SMARCA4: variants seen among roughly 807,000 people sequenced by gnomAD.
SMARCA4 encodes SWI/SNF related BAF chromatin remodeling complex subunit ATPase 4.
In SMARCA4, 31 loss-of-function variants were observed where a neutral mutation model predicts 193.9. The ratio of observed to expected loss-of-function variants is 0.16; its 90% CI spans 0.12 to 0.22. The LOEUF is 0.22. SMARCA4 is among the 10% of genes least tolerant of loss of function. The pLI, the probability that SMARCA4 is intolerant of heterozygous loss-of-function variation, is 1.00. For missense variants in SMARCA4, 1,148 were observed against 2,296.0 expected, an observed-to-expected ratio of 0.50 and a Z score of 10.22; for synonymous variants, 942 against 933.1, an observed-to-expected ratio of 1.01 and a Z score of -0.17.
At chr19:11,054,248 G>C (rs1472317603) in intron 30 of SMARCA4, among the ~76,000 whole-genome samples, 6 of 152,228 alleles carry the variant, frequency 3.9e-5, no homozygotes, top group Non-Finnish European at 7.3e-5. Flanking sequence ...ACAGACACTT[G>C]CTTCCTGGTG....
rs2090059647 is a variant in SMARCA4, at chr19:11,023,960, G to A, written c.2973+329G>A. On this transcript the variant is annotated intron_variant, in intron 20 of 34. Transcript: ENST00000344626. ...CCCCCCGGCCCCCCATCATGGCTCTGGGTTTTCAAGGCCTGCTGCAGCCAC... is the reference window on the plus strand; with the variant it reads ...CCCCCCGGCCCCCCATCATGGCTCTAGGTTTTCAAGGCCTGCTGCAGCCAC... Among the ~76,000 whole-genome samples, 5 of 152,236 alleles carry A rather than the reference G, an allele frequency of 3.3e-5. 1 individual carries two copies. In the South Asian group the frequency reaches 1.0e-3, roughly 31 times the overall value.
chr19:11,025,706 A>G lies in SMARCA4; in HGVS notation c.3168+198A>G, dbSNP rs150007780. 7.1e-4 allele frequency: 415 copies of G among 584,878 alleles called. 1 individual carries two copies. The East Asian group carries it at 8.4e-3, about 12-fold the overall frequency. The allele number at this position is 584,878 out of a possible 1,614,324, so 36.2% of individuals were successfully genotyped here. A position where few individuals can be genotyped will look rare whatever the true frequency, so the allele number is the denominator to read the frequency against. ...CCCAGCAGTTAGGGCGCAACGTGCG[A>G]TAGGAATATAGGGCCCTGAAAGCTT... On this transcript the variant is annotated intron_variant, in intron 22 of 34. Transcript: ENST00000344626.
At chr19:10,972,004 T>TG (rs1426073573) in intron 1 of SMARCA4, among the ~76,000 whole-genome samples, 1 of 150,406 alleles carries the variant, frequency 6.6e-6, no homozygotes, top group African/African-American at 2.4e-5. Flanking sequence ...CACCCAGGCT[T>TG]GAGTGCAGTG....
chr19:11,005,128 G>T (rs1195816915), intron 13 of SMARCA4, among the ~76,000 whole-genome samples: 1 of 152,164 alleles, frequency 6.6e-6, no homozygotes, highest in Non-Finnish European at 1.5e-5. Context: ...GAGCCACCAC[G>T]CCTGGCCTCT....
intron 18 of SMARCA4, 53 bp from the exon 19 acceptor site, chr19:11,021,672 G>T (rs2146411992): frequency 6.4e-7 from 1 of 1,563,994 alleles, no homozygotes; most frequent in Non-Finnish European, 8.7e-7. Flanking sequence ...TTCTCCCCAT[G>T]TGCCGGGCCA....
At chr19:10,969,071 C>G (rs2084468542) in intron 1 of SMARCA4, among the ~76,000 whole-genome samples, 1 of 152,162 alleles carries the variant, frequency 6.6e-6, no homozygotes. Context: ...GTCAAAGAGA[C>G]TTGAGGCGGG....
In SMARCA4 at chr19:10,985,010, C is replaced by T. The variant is rs7245661; in HGVS notation, c.223-263C>T. Among the ~76,000 whole-genome samples the T allele has an allele frequency of 2.4e-3, 362 of 152,232 alleles. 5 individuals carry two copies. The highest frequency in any genetic ancestry group is 8.4e-3 in the African/African-American group (347 of 41,540). ...AAGTGTCACGGGCCACAGGAGGTCC[C>T]GGGTGGTAGAAGATGAGGATTGCTT... On this transcript the variant is annotated intron_variant, in intron 2 of 34. Coordinates refer to ENST00000344626, the MANE Select transcript of SMARCA4 (RefSeq NM_003072.5). The surrounding 1 kb of genome is among the most constrained non-coding windows in gnomAD (Gnocchi z 4.5).
chr19:10,974,032 G>A (rs1217220301), intron 1 of SMARCA4, among the ~76,000 whole-genome samples: 1 of 152,142 alleles, frequency 6.6e-6, no homozygotes, highest in African/African-American at 2.4e-5. Flanking sequence ...AAATGTGTCC[G>A]TGAACAAATT....
intron 29 of SMARCA4, among the ~76,000 whole-genome samples, chr19:11,035,845 A>G (rs1279030691): frequency 6.6e-6 from 1 of 152,254 alleles, no homozygotes; most frequent in African/African-American, 2.4e-5. Context: ...GGTTACGGTG[A>G]CAGATCAGAC....
chr19:10,976,503 C>T (rs1257950089), intron 1 of SMARCA4, among the ~76,000 whole-genome samples: 2 of 152,096 alleles, frequency 1.3e-5, no homozygotes, highest in Non-Finnish European at 2.9e-5. Flanking sequence ...TGCCTGTAGT[C>T]CTAGCACTTT....
In SMARCA4 at chr19:11,024,443, GC is replaced by G; in HGVS notation, c.3081+9del. On this transcript the variant is annotated splice_donor_region_variant and intron_variant, in intron 21 of 34. Transcript: ENST00000344626. ...GGCTCCGAGAAGGACAAGAAGGTGG[GC>G]CCCAGAGTCCCCCAACTGCATTCCC... The G allele has an allele frequency of 1.9e-6, 3 of 1,597,770 alleles. No individual in the cohort carries two copies. Among genetic ancestry groups the G allele is most frequent in the Non-Finnish European group, 1.7e-6 (2 of 1,166,476 alleles).
rs771913411 is a variant in SMARCA4, at chr19:11,021,877, G to A, written c.2769G>A (p.Ala923=). The A allele has an allele frequency of 1.2e-5, 19 of 1,613,704 alleles. No homozygotes were observed. Among genetic ancestry groups the A allele is most frequent in the East Asian group, 4.5e-5 (2 of 44,908 alleles). Residue 923 remains alanine (A), a synonymous_variant, in exon 19 of 35, where the codon GCG becomes GCA. Transcript: ENST00000344626. ...PLQNKLPELW[A]LLNFLLPTIF... The stretch of plus-strand genomic sequence containing the variant: ...AGAACAAGCTTCCCGAGCTCTGGGC[G>A]CTGCTCAACTTCCTGCTGCCCACCA...
chr19:10,994,001 C>T (rs2086787779), intron 8 of SMARCA4, among the ~76,000 whole-genome samples: 1 of 151,676 alleles, frequency 6.6e-6, no homozygotes, highest in South Asian at 2.1e-4. Flanking sequence ...AAAGGGTGTC[C>T]CTTTATTGTT....
rs2076665895 is a variant in SMARCA4, at chr19:11,058,373, A to G, written c.4533+10A>G. 1 of 1,572,042 alleles carries G rather than the reference A, an allele frequency of 6.4e-7. No individual in the cohort carries two copies. Among genetic ancestry groups the G allele is most frequent in the Non-Finnish European group, 8.8e-7 (1 of 1,142,064 alleles). On this transcript the variant is annotated intron_variant, in intron 31 of 34. Coordinates refer to ENST00000344626, the MANE Select transcript of SMARCA4 (RefSeq NM_003072.5). The surrounding 1 kb of genome is among the most constrained non-coding windows in gnomAD (Gnocchi z 5.8). ...CTTCAAGAAGATAAAGGTAACCCTGACGTTGTACCTGCGCCCCGCATGTGC... is the reference window on the plus strand; with the variant it reads ...CTTCAAGAAGATAAAGGTAACCCTGGCGTTGTACCTGCGCCCCGCATGTGC...
At chr19:10,993,583 C>T (rs1010245398) in intron 8 of SMARCA4, among the ~76,000 whole-genome samples, 38 of 152,050 alleles carry the variant, frequency 2.5e-4, no homozygotes, top group Non-Finnish European at 4.4e-4. Context: ...CCCTGCCAGT[C>T]GACTGCACTG....
At chr19:10,999,093 A>G (rs2087373050) in intron 11 of SMARCA4, among the ~76,000 whole-genome samples, 1 of 152,008 alleles carries the variant, frequency 6.6e-6, no homozygotes, top group Non-Finnish European at 1.5e-5. Context: ...TTTTGTAGAG[A>G]CAGGGTTTCA....
intron 30 of SMARCA4, among the ~76,000 whole-genome samples, chr19:11,053,013 A>G (rs4300767): frequency 0.069 from 10,472 of 152,202 alleles, 454 homozygotes; most frequent in Non-Finnish European, 0.1. Flanking sequence ...GCCTCTTGCC[A>G]TGCTCAGGTT....
At chr19:11,052,010 G>A (rs1179373057) in intron 30 of SMARCA4, among the ~76,000 whole-genome samples, 12 of 152,074 alleles carry the variant, frequency 7.9e-5, no homozygotes, top group Admixed American at 3.3e-4. Context: ...CAGGAGAATC[G>A]CTTGAACCCA....
At chr19:11,048,996 C>T (rs918742458) in intron 30 of SMARCA4, among the ~76,000 whole-genome samples, 4 of 152,160 alleles carry the variant, frequency 2.6e-5, no homozygotes, top group African/African-American at 9.7e-5. Context: ...TGACATGCCC[C>T]TCCTGCTCAG....
Sources: gnomAD v4.1 joint callset for allele counts (sites outside exome capture counted in the v4.1 genomes callset) on GRCh38, gnomAD v4.1.1 for gene constraint, Gnocchi (gnomAD v3.1) non-coding constraint, MANE v1.5 for transcripts, NCBI Gene and HGNC (gene_info 2026-07-23, HGNC 2026-07-21) for gene names.